The following AOAH variants were observed in gnomAD, a reference collection of about 807,000 sequenced individuals.
AOAH encodes the protein acyloxyacyl hydrolase (neutrophil).
Under a neutral mutation model 92.2 loss-of-function variants are expected in AOAH, and 64 were observed. The observed-to-expected ratio is 0.69, with a 90% CI of 0.57 to 0.86. The LOEUF (loss-of-function observed/expected upper bound fraction) is 0.86. Ranked by LOEUF, AOAH falls within the 40% of genes least tolerant of loss-of-function variation. The pLI, the probability that AOAH is intolerant of heterozygous loss-of-function variation, is 0.00. For missense variants in AOAH, 656 were observed against 694.6 expected, an observed-to-expected ratio of 0.94 and a Z score of 0.62; for synonymous variants, 263 against 254.5, an observed-to-expected ratio of 1.03 and a Z score of -0.32.
chr7:36,514,804 G>A lies in AOAH; in HGVS notation c.1600-1424C>T, dbSNP rs1026378023. On this transcript the variant is annotated intron_variant, in intron 20 of 20. Coordinates refer to ENST00000617537, the MANE Select transcript of AOAH (RefSeq NM_001637.4). ...CACAGTCCCCTTCCTAATAGGCAGC[G>A]TAGCCAACTCCCTCTCTGGGCCCAG... 41 of 503,012 alleles carry A rather than the reference G, an allele frequency of 8.2e-5. 1 individual carries two copies. The highest frequency in any genetic ancestry group is 1.1e-3 in the Middle Eastern group (2 of 1,834). 31.2% of individuals were successfully genotyped at this position (503,012 alleles called of 1,614,324 possible). A position where few individuals can be genotyped will look rare whatever the true frequency, so the allele number is the denominator to read the frequency against.
Position 36,536,072 on chromosome 7 carries a change from C to T in AOAH, c.1307-3728G>A, listed in dbSNP as rs527358714. 3.5e-4 allele frequency among the ~76,000 whole-genome samples: 54 copies of T among 152,288 alleles called. 1 individual carries two copies. The South Asian group carries it at 0.01, about 29-fold the overall frequency. On this transcript the variant is annotated intron_variant, in intron 16 of 20. Transcript: ENST00000617537. ...CTGAGGAGGGATGCGAGGAGAGATT[C>T]GTCACCCCCTTGTCCCTGGCAGGAG...
At chr7:36,566,265 G>A (rs1787703294) in intron 13 of AOAH, among the ~76,000 whole-genome samples, 1 of 151,842 alleles carries the variant, frequency 6.6e-6, no homozygotes, top group Non-Finnish European at 1.5e-5. Context: ...TGGTGGGGTG[G>A]GGACTGTGTT....
At chr7:36,649,268 G>A (rs1309312610) in intron 4 of AOAH, among the ~76,000 whole-genome samples, 1 of 152,182 alleles carries the variant, frequency 6.6e-6, no homozygotes, top group Non-Finnish European at 1.5e-5. Context: ...GTTCTGTGAG[G>A]TTTGTTTCTA....
intron 3 of AOAH, among the ~76,000 whole-genome samples, chr7:36,670,470 T>G (rs1414145504): frequency 6.6e-6 from 1 of 152,182 alleles, no homozygotes; most frequent in Non-Finnish European, 1.5e-5. Flanking sequence ...GTGGCCCACC[T>G]CATGCTAGCG....
intron 16 of AOAH, among the ~76,000 whole-genome samples, chr7:36,533,707 G>A (rs4236344): frequency 0.39 from 58,839 of 151,910 alleles, 11,657 homozygotes; most frequent in Admixed American, 0.47. Flanking sequence ...GTGTTTGTGT[G>A]TGTGTACTTT....
At chr7:36,721,747 A>T (rs1799643120) in intron 1 of AOAH, among the ~76,000 whole-genome samples, 1 of 152,196 alleles carries the variant, frequency 6.6e-6, no homozygotes, top group South Asian at 2.1e-4. Flanking sequence ...TGAATGATAG[A>T]GATGACCACA....
intron 20 of AOAH, among the ~76,000 whole-genome samples, chr7:36,513,871 A>G (rs2115626230): frequency 6.6e-6 from 1 of 152,334 alleles, no homozygotes; most frequent in African/African-American, 2.4e-5. Context: ...TTAAGCTGTG[A>G]CCCACAGAAA....
At chr7:36,576,161 C>A (rs1788482934) in intron 13 of AOAH, among the ~76,000 whole-genome samples, 1 of 152,192 alleles carries the variant, frequency 6.6e-6, no homozygotes, top group African/African-American at 2.4e-5. Flanking sequence ...ACAGGTGAAA[C>A]TGAAAACTCC....
intron 11 of AOAH, among the ~76,000 whole-genome samples, chr7:36,603,570 A>G (rs1790763416): frequency 6.6e-6 from 1 of 152,334 alleles, no homozygotes; most frequent in Non-Finnish European, 1.5e-5. Context: ...AAAGGAATAG[A>G]CAGTAAATAT....
intron 3 of AOAH, among the ~76,000 whole-genome samples, chr7:36,665,800 A>G (rs1795498101): frequency 6.6e-6 from 1 of 152,062 alleles, no homozygotes; most frequent in African/African-American, 2.4e-5. Flanking sequence ...GTGTCTATTA[A>G]TATAATCATG....
intron 13 of AOAH, among the ~76,000 whole-genome samples, chr7:36,562,766 C>A (rs12112047): frequency 0.069 from 10,528 of 152,108 alleles, 434 homozygotes; most frequent in Non-Finnish European, 0.083. Context: ...GGTCCTGTAG[C>A]CAGAAAGTCG....
chr7:36,605,595 A>C (rs1274055167), intron 11 of AOAH, among the ~76,000 whole-genome samples: 3 of 152,192 alleles, frequency 2.0e-5, no homozygotes, highest in Non-Finnish European at 4.4e-5. Flanking sequence ...GCTTTTCAGA[A>C]GTATGGAGTT....
At chr7:36,631,866 C>A (rs1333969137) in intron 6 of AOAH, among the ~76,000 whole-genome samples, 170 bp downstream of exon 6, 1 of 152,160 alleles carries the variant, frequency 6.6e-6, no homozygotes, top group East Asian at 1.9e-4. Flanking sequence ...AAACGATTTT[C>A]TTCAGAGCTC....
chr7:36,694,249 T>G (rs1797575908), intron 1 of AOAH, among the ~76,000 whole-genome samples: 1 of 151,976 alleles, frequency 6.6e-6, no homozygotes, highest in African/African-American at 2.4e-5. Context: ...GTAATCCCAG[T>G]GCTTTGGGAG....
At chr7:36,640,426 G>C (rs1171777190) in intron 4 of AOAH, among the ~76,000 whole-genome samples, 2 of 152,146 alleles carry the variant, frequency 1.3e-5, no homozygotes, top group Non-Finnish European at 2.9e-5. Flanking sequence ...ACTCTCAAAG[G>C]TGAAGGCTAC....
At chr7:36,706,259 A>G (rs1798401600) in intron 1 of AOAH, among the ~76,000 whole-genome samples, 1 of 152,132 alleles carries the variant, frequency 6.6e-6, no homozygotes, top group Non-Finnish European at 1.5e-5. Flanking sequence ...ATGAAAATAA[A>G]ATTAATCTCC....
At chr7:36,640,859 G>C (rs12534222) in intron 4 of AOAH, among the ~76,000 whole-genome samples, 25,772 of 152,180 alleles carry the variant, frequency 0.17, 2,384 homozygotes, top group African/African-American at 0.22. Flanking sequence ...ACTTGAAGCC[G>C]CTGCAATGAG....
chr7:36,564,843 T>C (rs1787571071), intron 13 of AOAH, among the ~76,000 whole-genome samples: 1 of 152,208 alleles, frequency 6.6e-6, no homozygotes, highest in East Asian at 1.9e-4. Context: ...TCTAGATGGT[T>C]TGCATGAAAC....
intron 18 of AOAH, among the ~76,000 whole-genome samples, chr7:36,531,815 A>G (rs76732435): frequency 0.03 from 4,490 of 151,618 alleles, 149 homozygotes; most frequent in Admixed American, 0.073. Context: ...CAACTCCACA[A>G]CTATGCTTAG....
Sources: gnomAD v4.1 joint callset for allele counts (sites outside exome capture counted in the v4.1 genomes callset) on GRCh38, gnomAD v4.1.1 for gene constraint, MANE v1.5 for transcripts, NCBI Gene and HGNC (gene_info 2026-07-23, HGNC 2026-07-21) for gene names.